CNTN1: variants seen among roughly 807,000 people sequenced by gnomAD.
The protein encoded by CNTN1 is contactin-1.
A neutral mutation model predicts 126.4 loss-of-function variants in CNTN1; 38 were observed. The observed-to-expected ratio is 0.30, with a 90% CI of 0.23 to 0.39. The LOEUF is 0.39. CNTN1 is among the 10% of genes least tolerant of loss of function. CNTN1 has a pLI of 1.00. For missense variants in CNTN1, 1,009 were observed against 1,248.4 expected, an observed-to-expected ratio of 0.81 and a Z score of 2.89; for synonymous variants, 413 against 422.6, an observed-to-expected ratio of 0.98 and a Z score of 0.28.
intron 1 of CNTN1, among the ~76,000 whole-genome samples, chr12:40,828,715 C>T (rs1941703502): frequency 6.6e-6 from 1 of 152,144 alleles, no homozygotes; most frequent in Non-Finnish European, 1.5e-5. Flanking sequence ...ACCAGAAATG[C>T]TCAATCCTTC....
intron 1 of CNTN1, among the ~76,000 whole-genome samples, chr12:40,696,336 T>C (rs12367641): frequency 0.2 from 30,740 of 152,138 alleles, 3,234 homozygotes; most frequent in Middle Eastern, 0.28. Context: ...GTTCACCATA[T>C]AGTCAGTAAT....
At chr12:40,828,407 T>G (rs35354319) in intron 1 of CNTN1, 1 of 152,174 alleles carries the variant, frequency 6.6e-6, no homozygotes, top group East Asian at 1.9e-4. Flanking sequence ...ACCTTAGTAT[T>G]GCAATGCCAG....
chr12:40,924,360 C>T (rs565322294), intron 5 of CNTN1, among the ~76,000 whole-genome samples, 197 bp from the exon 6 acceptor site: 1 of 152,152 alleles, frequency 6.6e-6, no homozygotes, highest in South Asian at 2.1e-4. Flanking sequence ...ACTTTGAGCT[C>T]ATAACAGAAC....
intron 1 of CNTN1, among the ~76,000 whole-genome samples, chr12:40,871,099 T>C (rs1020091966): frequency 1.3e-5 from 2 of 151,590 alleles, no homozygotes; most frequent in Non-Finnish European, 2.9e-5. Context: ...AATATTTCTC[T>C]TGCTACCATA....
intron 1 of CNTN1, among the ~76,000 whole-genome samples, chr12:40,741,807 A>G (rs1387816495): frequency 1.3e-5 from 2 of 152,084 alleles, no homozygotes; most frequent in Non-Finnish European, 2.9e-5. Flanking sequence ...ACAAATAACA[A>G]CTATTATTAG....
At chr12:41,042,598 C>T (rs1264065492) in intron 23 of CNTN1, among the ~76,000 whole-genome samples, 1 of 151,956 alleles carries the variant, frequency 6.6e-6, no homozygotes, top group Non-Finnish European at 1.5e-5. Context: ...AATCTGGGTG[C>T]CATCCCCCTC....
At chr12:40,907,961 T>TA (rs1197781642) in intron 1 of CNTN1, among the ~76,000 whole-genome samples, 3 of 152,208 alleles carry the variant, frequency 2.0e-5, no homozygotes, top group Non-Finnish European at 4.4e-5. Context: ...CCGTTAAATG[T>TA]AACCTTCAAT....
intron 1 of CNTN1, among the ~76,000 whole-genome samples, chr12:40,792,438 T>C (rs2136467449): frequency 6.6e-6 from 1 of 152,264 alleles, no homozygotes; most frequent in South Asian, 2.1e-4. Context: ...TATTTAAACT[T>C]GTTTACTATT....
chr12:40,928,648 C>G (rs138056951), intron 6 of CNTN1, among the ~76,000 whole-genome samples: 2,440 of 152,080 alleles, frequency 0.016, 21 homozygotes, highest in Non-Finnish European at 0.023. Context: ...TAATCATATT[C>G]ACTGCCTGTC....
intron 3 of CNTN1, among the ~76,000 whole-genome samples, chr12:40,910,847 A>G (rs17128926): frequency 0.067 from 10,157 of 152,056 alleles, 552 homozygotes; most frequent in Admixed American, 0.17. Context: ...CTAGTAACTT[A>G]CAAAAGCCAT....
At chr12:40,962,853 T>A (rs1373274095) in intron 15 of CNTN1, among the ~76,000 whole-genome samples, 1 of 152,152 alleles carries the variant, frequency 6.6e-6, no homozygotes, top group African/African-American at 2.4e-5. Context: ...TTTTCCAAAG[T>A]TGGCTTTTAT....
chr12:40,918,504 A>G, intron 3 of CNTN1, 135 bp from the exon 4 acceptor site: 1 of 764,510 alleles, frequency 1.3e-6, no homozygotes, highest in South Asian at 1.7e-5. Flanking sequence ...AGTATTATGG[A>G]GGCAAATATC....
chr12:40,913,572 A>T (rs1945125188), intron 3 of CNTN1, among the ~76,000 whole-genome samples: 1 of 152,228 alleles, frequency 6.6e-6, no homozygotes. Context: ...GACATATAAT[A>T]GACTGGGAAG....
At chr12:40,766,102 A>G (rs182017296) in intron 1 of CNTN1, among the ~76,000 whole-genome samples, 20 of 152,312 alleles carry the variant, frequency 1.3e-4, no homozygotes, top group Admixed American at 1.0e-3. Flanking sequence ...TCACGCCTGT[A>G]GTCCCAGCAC....
chr12:40,920,626 T>TC (rs1945405085), intron 4 of CNTN1, among the ~76,000 whole-genome samples: 1 of 152,164 alleles, frequency 6.6e-6, no homozygotes, highest in Non-Finnish European at 1.5e-5. Flanking sequence ...ACCTTGGTAA[T>TC]CATCCAATTT....
At position 41,070,202 on chromosome 12, in the gene CNTN1, G is replaced by T; in HGVS notation, c.*167G>T. The T allele has an allele frequency of 1.5e-6, 1 of 662,920 alleles. No homozygotes were observed. Among genetic ancestry groups the T allele is most frequent in the South Asian group, 1.7e-5 (1 of 60,324 alleles). The allele number at this position is 662,920 out of a possible 1,614,324, so 41.1% of individuals were successfully genotyped here. A position where few individuals can be genotyped will look rare whatever the true frequency, so the allele number is the denominator to read the frequency against. On this transcript the variant is annotated 3_prime_UTR_variant, in exon 24 of 24. Coordinates refer to ENST00000551295, the MANE Select transcript of CNTN1 (RefSeq NM_001843.4). ...ACACACATGATGACTGAGGCATTCG[G>T]GAACCCCTTCATCCAAAAGAATAAA...
At chr12:41,036,310 C>T (rs1949262192) in intron 23 of CNTN1, among the ~76,000 whole-genome samples, 1 of 152,026 alleles carries the variant, frequency 6.6e-6, no homozygotes, top group Non-Finnish European at 1.5e-5. Flanking sequence ...CAGGGAGATG[C>T]AGGAGGGCAT....
At chr12:40,910,308 T>G (rs1019906658) in intron 3 of CNTN1, among the ~76,000 whole-genome samples, 1 of 152,200 alleles carries the variant, frequency 6.6e-6, no homozygotes, top group Non-Finnish European at 1.5e-5. Flanking sequence ...AATATCCTAT[T>G]AGAGGATTGT....
intron 1 of CNTN1, among the ~76,000 whole-genome samples, chr12:40,743,530 A>G (rs1938036849): frequency 6.6e-6 from 1 of 152,126 alleles, no homozygotes; most frequent in Non-Finnish European, 1.5e-5. Flanking sequence ...ATTAGGTAAC[A>G]AAGGCTAAGT....
Sources: allele counts gnomAD v4.1 joint callset (sites outside exome capture counted in the v4.1 genomes callset), GRCh38; gene constraint gnomAD v4.1.1; transcripts MANE v1.5; gene names NCBI Gene and HGNC (gene_info 2026-07-23, HGNC 2026-07-21).